GRIPAP1: variants seen among roughly 807,000 people sequenced by gnomAD.
The protein encoded by GRIPAP1 is GRIP1 associated protein 1, also known as GRIP1-associated protein 1.
A neutral mutation model predicts 84.1 loss-of-function variants in GRIPAP1; 14 were observed. The ratio of observed to expected loss-of-function variants is 0.17; its 90% CI spans 0.11 to 0.26. The LOEUF is 0.26. GRIPAP1 is among the 10% of genes least tolerant of loss of function. The pLI is 1.00. For synonymous variants in GRIPAP1, 261 were observed against 256.8 expected (o/e 1.02, Z -0.15); for missense variants, 518 against 674.2 (o/e 0.77, Z 2.57).
rs1237741429 is a variant in GRIPAP1, at chrX:48,973,887, A to AAAAT, written c.*302_*305dup. Reference sequence around the variant, plus strand: ...CCAGACATAAATTAAAAAATAAAATAAAATAAAATAAAAAGAGTTGGTCTC... The same window carrying AAAAT: ...CCAGACATAAATTAAAAAATAAAATAAAATAAATAAAATAAAAAGAGTTGGTCTC... On this transcript the variant is annotated 3_prime_UTR_variant, in exon 26 of 26. Coordinates refer to ENST00000376423, the MANE Select transcript of GRIPAP1 (RefSeq NM_020137.5). 46 of 76,022 alleles carry AAAAT rather than the reference A, an allele frequency of 6.1e-4. No individual in the cohort carries two copies. The highest frequency in any genetic ancestry group is 8.4e-4 in the Non-Finnish European group (42 of 49,896). 6.3% of individuals were successfully genotyped at this position (76,022 alleles called of 1,213,427 possible). A position where few individuals can be genotyped will look rare whatever the true frequency, so the allele number is the denominator to read the frequency against.
In GRIPAP1 at chrX:48,992,170, T is replaced by C. The variant is rs782639043; in HGVS notation, c.458-1060A>G. On this transcript the variant is annotated intron_variant, in intron 6 of 25. Coordinates refer to ENST00000376423, the MANE Select transcript of GRIPAP1 (RefSeq NM_020137.5). ...ACAGGCATTTGCCATCAAACCTGGCTAATTATTGTATTTTTAATAGAAATG... is the reference window on the plus strand; with the variant it reads ...ACAGGCATTTGCCATCAAACCTGGCCAATTATTGTATTTTTAATAGAAATG... Among the ~76,000 whole-genome samples, 4 of 111,345 alleles carry C rather than the reference T, an allele frequency of 3.6e-5. No homozygotes were observed. The South Asian group carries it at 1.5e-3, about 43-fold the overall frequency.
intron 1 of GRIPAP1, chrX:49,000,845 A>C: frequency 9.0e-6 from 1 of 111,549 alleles, no homozygotes. Context: ...CTCCCACGCC[A>C]CCAGCCTCCA....
At position 48,999,266 on chromosome X, in the gene GRIPAP1, A is replaced by G; in HGVS notation, c.143T>C (p.Leu48Ser). The G allele has an allele frequency of 8.3e-7, 1 of 1,209,274 alleles. No homozygotes were observed. The highest frequency in any genetic ancestry group is 1.1e-6 in the Non-Finnish European group (1 of 893,317). The change falls in exon 3 of 26, where the codon TTG becomes TCG. Residue 48 changes from leucine to serine, a missense_variant. Around this residue, in one of 5 missense-constraint regions of GRIPAP1, gnomAD observed 372 missense variants for 458.1 expected, o/e 0.81. Transcript: ENST00000376423. ...LTSLRQKVAYLDKEFSKAQKA... is the reference protein window; with the variant it reads ...LTSLRQKVAYSDKEFSKAQKA... ...CTGAGCTTTGCTGAACTCCTTATCC[A>G]AGTAGGCGACCTTCTGTCGAAGACT...
At chrX:48,997,719 C>T (rs1246196702) in intron 4 of GRIPAP1, among the ~76,000 whole-genome samples, 5 of 105,557 alleles carry the variant, frequency 4.7e-5, no homozygotes, top group Non-Finnish European at 7.8e-5. Flanking sequence ...CAGAAATCAA[C>T]AGGGAGAGAA....
rs368398083 is a variant in GRIPAP1, at chrX:48,978,416, G to A, written c.1950C>T (p.Leu650=). The A allele has an allele frequency of 1.7e-6, 2 of 1,203,743 alleles. No homozygotes were observed. The highest frequency in any genetic ancestry group is 2.2e-6 in the Non-Finnish European group (2 of 890,433). The change falls in exon 22 of 26, where the codon CTC becomes CTT. Residue 650 remains leucine, a synonymous_variant. Transcript: ENST00000376423. Reference sequence around the variant, plus strand: ...TCCGGCTTGGTGAGTTCATCTCTGAGAGAACCAGCTCCTCAAGGCCTGGGT... The same window carrying A: ...TCCGGCTTGGTGAGTTCATCTCTGAAAGAACCAGCTCCTCAAGGCCTGGGT... ...KSRSGLEELV[L]SEMNSPSRTQ... is the part of the protein sequence containing the mutation.
At chrX:49,002,147 CGGTCGCCTAGCCGGGT>C in intron 1 of GRIPAP1, 25 bp downstream of exon 1, 1 of 982,646 alleles carries the variant, frequency 1.0e-6, no homozygotes, top group Non-Finnish European at 1.4e-6. Context: ...ACCCCGCCCC[CGGTCGCCTAGCCGGGT>C]GGTCTTTCCC....
Position 48,987,911 on chromosome X carries a change from C to T in GRIPAP1, c.949-34G>A, listed in dbSNP as rs200456087. The T allele has an allele frequency of 1.0e-5, 10 of 1,002,211 alleles. No individual in the cohort carries two copies. In the South Asian group the frequency reaches 2.0e-4, roughly 20 times the overall value. 82.6% of individuals were successfully genotyped at this position (1,002,211 alleles called of 1,213,427 possible). A position where few individuals can be genotyped will look rare whatever the true frequency, so the allele number is the denominator to read the frequency against. ...ACGTCCACAGCAGGTGAGAGTGGGT[C>T]CAGAACAGGGGGACAGGACCTACCC... is the stretch of plus-strand genomic sequence containing the variant. On this transcript the variant is annotated intron_variant, in intron 12 of 25. Coordinates refer to ENST00000376423, the MANE Select transcript of GRIPAP1 (RefSeq NM_020137.5).
rs1181869247 is a variant in GRIPAP1 at position 48,998,015 on chromosome X, C to A, written c.198+139G>T. The A allele has an allele frequency of 7.3e-5, 40 of 544,716 alleles. No individual in the cohort carries two copies. The Admixed American group carries it at 9.7e-4, about 13-fold the overall frequency. The allele number at this position is 544,716 out of a possible 1,213,427, so 44.9% of individuals were successfully genotyped here. A position where few individuals can be genotyped will look rare whatever the true frequency, so the allele number is the denominator to read the frequency against. On this transcript the variant is annotated intron_variant, in intron 4 of 25. Coordinates refer to ENST00000376423, the MANE Select transcript of GRIPAP1 (RefSeq NM_020137.5). ...AAATACAGGGAAACAAGGACAGATA[C>A]AGCAACACATGGCAGTGAGGTAGTA...
intron 7 of GRIPAP1, 21 bp from the exon 8 acceptor site, chrX:48,990,753 T>G: frequency 8.4e-7 from 1 of 1,190,132 alleles, no homozygotes; most frequent in Non-Finnish European, 1.1e-6. Flanking sequence ...GGATGAGGGA[T>G]GGGAGGGTTG....
intron 24 of GRIPAP1, 102 bp downstream of exon 24, chrX:48,975,916 G>A (rs1306579464): frequency 8.3e-5 from 55 of 660,279 alleles, no homozygotes; most frequent in Non-Finnish European, 4.3e-5. Flanking sequence ...CAGTAGCTTC[G>A]CTGAGTTCCG....
At chrX:48,980,564 C>T (rs1021063164) in intron 21 of GRIPAP1, among the ~76,000 whole-genome samples, 4 of 109,897 alleles carry the variant, frequency 3.6e-5, no homozygotes, top group African/African-American at 1.3e-4. Flanking sequence ...CACAGAGTGG[C>T]GGGAAGAGAT....
At chrX:48,998,053 G>T in intron 4 of GRIPAP1, 101 bp downstream of exon 4, 1 of 618,734 alleles carries the variant, frequency 1.6e-6, no homozygotes, top group Non-Finnish European at 2.8e-6. Context: ...AGATGTAAAG[G>T]CACACAAAGA....
rs940832998 is a variant in GRIPAP1, at chrX:48,978,413, T to C, written c.1953A>G (p.Ser651=). The change falls in exon 22 of 26, where the codon TCA becomes TCG. Residue 651 remains serine, a synonymous_variant. Transcript: ENST00000376423. ...GGGTCCGGCTTGGTGAGTTCATCTC[T>C]GAGAGAACCAGCTCCTCAAGGCCTG... is the stretch of plus-strand genomic sequence containing the variant. ...SRSGLEELVL[S]EMNSPSRTQT... is the part of the protein sequence containing the mutation. The C allele has an allele frequency of 4.2e-6, 5 of 1,203,113 alleles. No homozygotes were observed. Among genetic ancestry groups the C allele is most frequent in the Non-Finnish European group, 5.6e-6 (5 of 890,087 alleles).
chrX:48,986,517 G>C (rs952673632), intron 13 of GRIPAP1, among the ~76,000 whole-genome samples: 2 of 110,155 alleles, frequency 1.8e-5, no homozygotes, highest in Admixed American at 9.6e-5. Flanking sequence ...TCAGCCTCCC[G>C]AGTAGCTGGG....
At chrX:48,991,771 C>T (rs1410038183) in intron 6 of GRIPAP1, among the ~76,000 whole-genome samples, 3 of 110,993 alleles carry the variant, frequency 2.7e-5, no homozygotes, top group Non-Finnish European at 5.7e-5. Flanking sequence ...ACCCAGGAGG[C>T]AGAGGTTGCA....
chrX:48,997,444 A>T (rs2064553592), intron 4 of GRIPAP1, 87 bp from the exon 5 acceptor site: 8 of 561,147 alleles, frequency 1.4e-5, no homozygotes, highest in Non-Finnish European at 2.1e-5. Context: ...GGAGAAAATG[A>T]CATGGGTGGG....
chrX:48,979,384 G>A (rs1182668410), intron 21 of GRIPAP1, among the ~76,000 whole-genome samples: 6 of 96,313 alleles, frequency 6.2e-5, no homozygotes, highest in African/African-American at 1.9e-4. Flanking sequence ...GGCTGAGGCA[G>A]GAGAATGGTG....
At position 48,990,719 on chromosome X, in the gene GRIPAP1, G is replaced by C; in HGVS notation, c.656C>G (p.Ala219Gly). Residue 219 changes from alanine to glycine, a missense_variant, in exon 8 of 26, where the codon GCC (alanine) becomes GGC (glycine). Around this residue, in one of 5 missense-constraint regions of GRIPAP1, gnomAD observed 372 missense variants for 458.1 expected, o/e 0.81. Coordinates refer to ENST00000376423, the MANE Select transcript of GRIPAP1 (RefSeq NM_020137.5). Reference protein sequence around the residue: ...QLQGLESSKQAETSRLQEELA... With the variant: ...QLQGLESSKQGETSRLQEELA... ...TTCCTCCTGCAGCCTGGATGTTTCG[G>C]CCTGCTTTGAGCTCTGCAGGGAAGG... 8.3e-7 allele frequency: 1 copy of C among 1,203,247 alleles called. No homozygotes were observed. The highest frequency in any genetic ancestry group is 1.1e-6 in the Non-Finnish European group (1 of 890,279).
intron 6 of GRIPAP1, 134 bp downstream of exon 6, chrX:48,993,294 G>T: frequency 2.0e-6 from 1 of 495,675 alleles, no homozygotes; most frequent in Non-Finnish European, 3.1e-6. Context: ...AGGTGAAATG[G>T]CTTGTCCAAA....
Sources: gnomAD v4.1 joint callset for allele counts (sites outside exome capture counted in the v4.1 genomes callset) on GRCh38, gnomAD v4.1.1 for gene constraint, gnomAD v4.1.1 regional missense constraint, MANE v1.5 for transcripts, NCBI Gene and HGNC (gene_info 2026-07-23, HGNC 2026-07-21) for gene names.